The following LRP2 variants were observed in gnomAD, a reference collection of about 807,000 sequenced individuals.
LRP2 encodes the protein low-density lipoprotein receptor-related protein 2.
Under a neutral mutation model 531.0 loss-of-function variants are expected in LRP2, and 172 were observed. That is an observed-to-expected ratio of 0.32 (90% CI 0.29 to 0.37). The LOEUF (loss-of-function observed/expected upper bound fraction) is 0.37. LRP2 is among the 10% of genes least tolerant of loss of function. LRP2 has a pLI of 1.00. For missense variants in LRP2, 5,167 were observed against 5,868.3 expected, an observed-to-expected ratio of 0.88 and a Z score of 3.90; for synonymous variants, 1,992 against 2,027.6, an observed-to-expected ratio of 0.98 and a Z score of 0.47.
intron 13 of LRP2, among the ~76,000 whole-genome samples, chr2:169,275,739 T>G (rs1683536318): frequency 6.6e-6 from 1 of 152,054 alleles, no homozygotes; most frequent in African/African-American, 2.4e-5. Flanking sequence ...CCACATCTGT[T>G]CCTGATGTCA....
intron 43 of LRP2, among the ~76,000 whole-genome samples, 191 bp downstream of exon 43, chr2:169,202,565 C>T (rs767104279): frequency 6.6e-6 from 1 of 152,194 alleles, no homozygotes; most frequent in African/African-American, 2.4e-5. Flanking sequence ...GATGATTGTG[C>T]TTGTGCTCTT....
Position 169,362,344 on chromosome 2 carries a change from C to A in LRP2, c.56G>T (p.Cys19Phe). 6.4e-7 allele frequency: 1 copy of A among 1,568,206 alleles called. No homozygotes were observed. Among genetic ancestry groups the A allele is most frequent in the South Asian group, 1.2e-5 (1 of 85,312 alleles). The part of the protein sequence containing the change: ...ACTLLLALVA[C>F]LAPASGQECD... ...ACCTTGGCCACTGGCCGGCGCTAGGCAGGCGACGAGAGCCAGGAGCAGCGT... is the reference window on the plus strand; with the variant it reads ...ACCTTGGCCACTGGCCGGCGCTAGGAAGGCGACGAGAGCCAGGAGCAGCGT... Residue 19 changes from cysteine (C) to phenylalanine (F), a missense_variant, in exon 1 of 79, where the codon TGC becomes TTC. Coordinates refer to ENST00000649046, the MANE Select transcript of LRP2 (RefSeq NM_004525.3).
chr2:169,208,508 T>A (rs1273335506), intron 38 of LRP2, among the ~76,000 whole-genome samples: 2 of 152,280 alleles, frequency 1.3e-5, no homozygotes, highest in Non-Finnish European at 2.9e-5. Flanking sequence ...CCAGGCTTGA[T>A]GGCAGTGGCT....
chr2:169,336,127 CAT>C (rs1685397329), intron 1 of LRP2, among the ~76,000 whole-genome samples: 1 of 151,762 alleles, frequency 6.6e-6, no homozygotes, highest in East Asian at 1.9e-4. Flanking sequence ...ACTAAAATAA[CAT>C]ACAATAATGC....
Position 169,206,049 on chromosome 2 carries a change from T to C in LRP2, c.7530A>G (p.Arg2510=), listed in dbSNP as rs1688372764. The C allele has an allele frequency of 1.2e-6, 2 of 1,614,066 alleles. No individual in the cohort carries two copies. Among genetic ancestry groups the C allele is most frequent in the Non-Finnish European group, 1.7e-6 (2 of 1,180,048 alleles). ...RTVIARVPKP[R]AIVLDPCQGY... is the part of the protein sequence containing the mutation. ...CTTGGCAGGGATCTAACACAATTGC[T>C]CTTGGTTTTGGAACGCGGGCTATCA... Residue 2510 remains arginine, a synonymous_variant, in exon 40 of 79, where the codon AGA becomes AGG. Coordinates refer to ENST00000649046, the MANE Select transcript of LRP2 (RefSeq NM_004525.3).
rs1687200264 is a variant in LRP2, at chr2:169,176,497, A to T, written c.10485T>A (p.Asp3495Glu). 6.2e-7 allele frequency: 1 copy of T among 1,614,084 alleles called. No individual in the cohort carries two copies. Among genetic ancestry groups the T allele is most frequent in the Admixed American group, 1.7e-5 (1 of 60,012 alleles). Residue 3495 changes from aspartate to glutamate, a missense_variant, in exon 54 of 79, where the codon GAT becomes GAA. Asp to Glu is a conservative substitution (Grantham distance 45). This residue lies in a region of LRP2 where 1,129 missense variants were observed against 1,362.7 expected (regional missense o/e 0.83). Transcript: ENST00000649046. ...GGKGFTCECP[D>E]DFRTLQLSGS... is the part of the protein sequence containing the mutation. The stretch of plus-strand genomic sequence containing the variant: ...CACTCAGCTGAAGGGTGCGGAAGTC[A>T]TCTGGACACTCGCAAGTGAACCCTT...
At chr2:169,361,583 G>A (rs566883891) in intron 1 of LRP2, among the ~76,000 whole-genome samples, 349 of 151,894 alleles carry the variant, frequency 2.3e-3, no homozygotes, top group Middle Eastern at 6.8e-3. Context: ...TAAACTATCG[G>A]ACAACTTGAG....
rs574983318 is a variant in LRP2 at position 169,285,640 on chromosome 2, T to C, written c.1043-2639A>G. ...TGAGCCCCCCTTGGCCACCCTCTGA[T>C]CCATCTGGCTGTGTGAAACCCCACC... On this transcript the variant is annotated intron_variant, in intron 9 of 78. Transcript: ENST00000649046. Among the ~76,000 whole-genome samples the C allele has an allele frequency of 4.6e-5, 7 of 152,200 alleles. No homozygotes were observed. In the South Asian group the frequency reaches 1.5e-3, roughly 32 times the overall value.
intron 24 of LRP2, among the ~76,000 whole-genome samples, chr2:169,242,667 G>T (rs1460058200): frequency 6.6e-6 from 1 of 152,136 alleles, no homozygotes; most frequent in Non-Finnish European, 1.5e-5. Context: ...ACCTACTAAA[G>T]TGGGAAGTCC....
At chr2:169,328,137 G>A (rs1157876790) in intron 1 of LRP2, among the ~76,000 whole-genome samples, 6 of 134,354 alleles carry the variant, frequency 4.5e-5, no homozygotes, top group South Asian at 2.4e-4. Context: ...CGCCCCTACT[G>A]GGAAGTGAGG....
chr2:169,150,381 C>G (rs1310885949), intron 68 of LRP2, among the ~76,000 whole-genome samples: 1 of 152,048 alleles, frequency 6.6e-6, no homozygotes, highest in Non-Finnish European at 1.5e-5. Context: ...AAAACTTGTT[C>G]TCATTTACAC....
At chr2:169,318,556 G>T (rs555783755) in intron 3 of LRP2, among the ~76,000 whole-genome samples, 106 of 152,288 alleles carry the variant, frequency 7.0e-4, no homozygotes, top group African/African-American at 2.5e-3. Flanking sequence ...CTTCCAAATT[G>T]CTGGGGTATA....
At chr2:169,191,019 C>T (rs995516392) in intron 48 of LRP2, among the ~76,000 whole-genome samples, 4 of 152,140 alleles carry the variant, frequency 2.6e-5, no homozygotes, top group South Asian at 4.1e-4. Context: ...CAGGAGAGGT[C>T]CCCCAAACCA....
chr2:169,332,728 T>C (rs915262849), intron 1 of LRP2, among the ~76,000 whole-genome samples: 1 of 152,312 alleles, frequency 6.6e-6, no homozygotes, highest in Non-Finnish European at 1.5e-5. Flanking sequence ...CATATATATA[T>C]ACACACACAT....
chr2:169,181,315 T>C, intron 52 of LRP2, 133 bp downstream of exon 52: 2 of 812,234 alleles, frequency 2.5e-6, no homozygotes, highest in Middle Eastern at 3.4e-4. Flanking sequence ...TAGTTAGAAG[T>C]GTGACTTCCC....
chr2:169,273,223 C>T (rs1683467116), intron 14 of LRP2, among the ~76,000 whole-genome samples, 156 bp from the exon 15 acceptor site: 1 of 152,002 alleles, frequency 6.6e-6, no homozygotes. Context: ...TGGATACATC[C>T]ACATCTGGCT....
At chr2:169,319,755 G>A (rs1419195194) in intron 2 of LRP2, among the ~76,000 whole-genome samples, 8 of 152,172 alleles carry the variant, frequency 5.3e-5, no homozygotes, top group Non-Finnish European at 2.9e-5. Flanking sequence ...TTATAGAAAC[G>A]CAGAAGCTGA....
intron 44 of LRP2, among the ~76,000 whole-genome samples, chr2:169,201,309 T>C (rs1267832006): frequency 1.3e-5 from 2 of 152,224 alleles, no homozygotes; most frequent in Non-Finnish European, 2.9e-5. Context: ...AATTTGAACA[T>C]GGACTAGGTA....
intron 48 of LRP2, among the ~76,000 whole-genome samples, chr2:169,190,992 C>T (rs116170383): frequency 0.01 from 1,558 of 152,306 alleles, 30 homozygotes; most frequent in African/African-American, 0.035. Context: ...GGTAAGAAGT[C>T]AAACAATGGA....
Sources: allele counts gnomAD v4.1 joint callset (sites outside exome capture counted in the v4.1 genomes callset), GRCh38; gene constraint gnomAD v4.1.1; regional missense constraint gnomAD v4.1.1; transcripts MANE v1.5; gene names NCBI Gene and HGNC (gene_info 2026-07-23, HGNC 2026-07-21).